XKR9: variants seen among roughly 807,000 people sequenced by gnomAD.
XKR9 encodes the protein XK related 9, also known as XK-related protein 9.
A neutral mutation model predicts 32.0 loss-of-function variants in XKR9; 32 were observed. The ratio of observed to expected loss-of-function variants is 1.00; its 90% CI spans 0.76 to 1.34. The LOEUF (loss-of-function observed/expected upper bound fraction) is 1.34. XKR9 is among the 40% of genes most tolerant of loss of function. XKR9 has a pLI of 0.00. For missense variants in XKR9, 546 were observed against 429.7 expected, an observed-to-expected ratio of 1.27 and a Z score of -2.39; for synonymous variants, 168 against 143.4, an observed-to-expected ratio of 1.17 and a Z score of -1.22.
chr8:71,009,860 TAC>T, the XKR9 span, among the ~76,000 whole-genome samples: 1 of 152,178 alleles, frequency 6.6e-6, no homozygotes, highest in Non-Finnish European at 1.5e-5. Flanking sequence ...ATTAAATAAA[TAC>T]ACCTTGCAAA....
the XKR9 span, among the ~76,000 whole-genome samples, chr8:70,818,295 A>T: frequency 6.6e-6 from 1 of 151,986 alleles, no homozygotes; most frequent in Non-Finnish European, 1.5e-5. Flanking sequence ...ATCTCATCTA[A>T]TTATGATTCA....
chr8:70,723,016 A>T (rs1806334928), intron 4 of XKR9, among the ~76,000 whole-genome samples: 2 of 151,446 alleles, frequency 1.3e-5, no homozygotes, highest in South Asian at 4.2e-4. Flanking sequence ...GTTTTCTCTA[A>T]TCTTGTCTTC....
At chr8:70,982,327 G>T in the XKR9 span, among the ~76,000 whole-genome samples, 2 of 152,206 alleles carry the variant, frequency 1.3e-5, no homozygotes, top group Admixed American at 1.3e-4. Context: ...ATAGGGGTGT[G>T]TGAGCTCAGC....
the XKR9 span, among the ~76,000 whole-genome samples, chr8:70,826,844 T>C: frequency 1.3e-5 from 2 of 152,226 alleles, no homozygotes; most frequent in South Asian, 4.1e-4. Flanking sequence ...TGATTTGTAA[T>C]ATACATTCAT....
chr8:70,745,399 A>C (rs1454058750), intron 2 of XKR9, among the ~76,000 whole-genome samples: 1 of 152,248 alleles, frequency 6.6e-6, no homozygotes, highest in Non-Finnish European at 1.5e-5. Context: ...CAATACTTTC[A>C]TAAAAGAACA....
At chr8:70,707,550 T>C (rs150225171) in intron 4 of XKR9, among the ~76,000 whole-genome samples, 1,592 of 152,186 alleles carry the variant, frequency 0.01, 27 homozygotes, top group African/African-American at 0.036. Flanking sequence ...TGCATAGTAT[T>C]GCAAATTATG....
the XKR9 span, among the ~76,000 whole-genome samples, chr8:71,055,256 G>C: frequency 1.3e-5 from 2 of 152,162 alleles, no homozygotes; most frequent in Non-Finnish European, 2.9e-5. Context: ...CAAGATTAAA[G>C]TTGAAACAGA....
At chr8:70,727,109 A>G (rs539443852) in intron 4 of XKR9, among the ~76,000 whole-genome samples, 1 of 152,276 alleles carries the variant, frequency 6.6e-6, no homozygotes, top group African/African-American at 2.4e-5. Flanking sequence ...GGCTGGTATT[A>G]TGGTTTATAG....
At chr8:70,909,138 C>T in the XKR9 span, among the ~76,000 whole-genome samples, 2 of 152,158 alleles carry the variant, frequency 1.3e-5, no homozygotes, top group East Asian at 3.8e-4. Flanking sequence ...AATCAATCTT[C>T]TACACTGCCA....
At chr8:70,956,017 G>T in the XKR9 span, among the ~76,000 whole-genome samples, 2 of 152,170 alleles carry the variant, frequency 1.3e-5, 1 homozygote, top group South Asian at 4.1e-4. Flanking sequence ...CACAACCCTG[G>T]CTCGGGAAGC....
chr8:70,975,018 T>G, the XKR9 span, among the ~76,000 whole-genome samples: 1 of 152,260 alleles, frequency 6.6e-6, no homozygotes, highest in Non-Finnish European at 1.5e-5. Flanking sequence ...CCTGTGTCTT[T>G]TGGCTGCATA....
the XKR9 span, among the ~76,000 whole-genome samples, chr8:70,961,721 T>C: frequency 1.3e-5 from 2 of 152,126 alleles, no homozygotes; most frequent in African/African-American, 4.8e-5. Flanking sequence ...TTTTCTCTGT[T>C]TCCAAATAGA....
intron 2 of XKR9, among the ~76,000 whole-genome samples, chr8:70,749,509 G>A (rs576068307): frequency 3.6e-4 from 55 of 152,128 alleles, no homozygotes; most frequent in African/African-American, 1.2e-3. Flanking sequence ...ATTTGGTCCA[G>A]CCACAGCCTC....
intron 3 of XKR9, among the ~76,000 whole-genome samples, chr8:70,685,874 T>TA (rs1486305764): frequency 6.6e-6 from 1 of 151,636 alleles, no homozygotes; most frequent in Non-Finnish European, 1.5e-5. Context: ...CTCTAAAACT[T>TA]AAAGTATAAT....
intron 2 of XKR9, among the ~76,000 whole-genome samples, chr8:70,777,119 G>A (rs1314391749): frequency 8.6e-5 from 13 of 150,916 alleles, no homozygotes; most frequent in Non-Finnish European, 1.6e-4. Flanking sequence ...ACCCCACCCC[G>A]TGACTGGCCC....
At chr8:70,686,412 AATAT>A (rs71264517) in intron 3 of XKR9, among the ~76,000 whole-genome samples, 59,310 of 147,022 alleles carry the variant, frequency 0.4, 13,331 homozygotes, top group Non-Finnish European at 0.52. Context: ...CGAGATAGCT[AATAT>A]ATATATATAT....
intron 2 of XKR9, among the ~76,000 whole-genome samples, chr8:70,782,017 T>A (rs553732227): frequency 1.3e-5 from 2 of 152,330 alleles, no homozygotes; most frequent in Admixed American, 6.5e-5. Context: ...TTGTAAATTA[T>A]AAGCTCCAGA....
At chr8:70,677,190 G>A (rs1264833367) in intron 2 of XKR9, among the ~76,000 whole-genome samples, 1 of 152,060 alleles carries the variant, frequency 6.6e-6, no homozygotes, top group Non-Finnish European at 1.5e-5. Flanking sequence ...TTGTTGCCCA[G>A]TCTGGAGTGC....
At chr8:70,777,408 A>G (rs1586894438) in intron 2 of XKR9, among the ~76,000 whole-genome samples, 1 of 152,158 alleles carries the variant, frequency 6.6e-6, no homozygotes, top group Non-Finnish European at 1.5e-5. Flanking sequence ...ATTGTGCTGC[A>G]ATAAACATAC....
Sources: allele counts gnomAD v4.1 joint callset (sites outside exome capture counted in the v4.1 genomes callset), GRCh38; gene constraint gnomAD v4.1.1; transcripts MANE v1.5; gene names NCBI Gene and HGNC (gene_info 2026-07-23, HGNC 2026-07-21).